The following TBC1D21 variants were observed in gnomAD, a reference collection of about 807,000 sequenced individuals.
TBC1D21 encodes the protein TBC1 domain family member 21, also known as male germ cell Rab GTPase-activating protein.
TBC1D21 carries 38 observed loss-of-function variants against 46.0 expected under a neutral mutation model. The ratio of observed to expected loss-of-function variants is 0.83; its 90% CI spans 0.64 to 1.08. TBC1D21 has a LOEUF of 1.08. Ranked by LOEUF, TBC1D21 falls within the 50% of genes least tolerant of loss-of-function variation. The pLI is 0.00. For missense variants in TBC1D21, 415 were observed against 417.9 expected (o/e 0.99, Z 0.06); for synonymous variants, 151 against 157.2 (o/e 0.96, Z 0.29).
chr15:73,904,089 T>G, the TBC1D21 span, among the ~76,000 whole-genome samples: 1 of 152,198 alleles, frequency 6.6e-6, no homozygotes, highest in East Asian at 1.9e-4. Flanking sequence ...ACAAAATTTC[T>G]CATCTGCTTT....
At chr15:73,891,859 G>T (rs1487044791), downstream of TBC1D21, among the ~76,000 whole-genome samples, 4 of 152,224 alleles carry the variant, frequency 2.6e-5, no homozygotes, top group Non-Finnish European at 5.9e-5. Context: ...GGCTCGGCAT[G>T]GGCCTTCAGG....
At chr15:73,878,715 G>T (rs554496035) in intron 1 of TBC1D21, among the ~76,000 whole-genome samples, 2 of 152,264 alleles carry the variant, frequency 1.3e-5, no homozygotes, top group South Asian at 4.1e-4. Flanking sequence ...ATTCAATACA[G>T]TCTCCACCAA....
At position 73,884,168 on chromosome 15, in the gene TBC1D21, T is replaced by C; in HGVS notation, c.290T>C (p.Leu97Ser). The C allele has an allele frequency of 1.2e-5, 20 of 1,614,198 alleles. No individual in the cohort carries two copies. The highest frequency in any genetic ancestry group is 1.7e-5 in the Non-Finnish European group (20 of 1,180,026). Residue 97 changes from leucine (L) to serine (S), a missense_variant, in exon 4 of 11, where the codon TTA becomes TCA. Leu to Ser is a moderately radical substitution (Grantham distance 145). Transcript: ENST00000300504. Reference protein sequence around the residue: ...DSMRRKNYKALCQMYEKIQPL... With the variant: ...DSMRRKNYKASCQMYEKIQPL... Reference sequence around the variant, plus strand: ...TCTCACAGGAAGAACTACAAGGCCTTATGCCAAATGTATGAGAAGATTCAG... The same window carrying C: ...TCTCACAGGAAGAACTACAAGGCCTCATGCCAAATGTATGAGAAGATTCAG...
intron 10 of TBC1D21, 78 bp downstream of exon 10, chr15:73,888,591 C>CTCCTCCTCCTCCTCTTCT (rs1567070347): frequency 6.1e-5 from 54 of 885,538 alleles, no homozygotes; most frequent in Middle Eastern, 5.9e-4. Flanking sequence ...CTTCCTCCTC[C>CTCCTCCTCCTCCTCTTCT]TCCTCCTCCT....
At chr15:73,887,570 A>T (rs777512588) in intron 8 of TBC1D21, 50 bp from the exon 9 acceptor site, 1 of 1,533,716 alleles carries the variant, frequency 6.5e-7, no homozygotes, top group African/African-American at 1.4e-5. Context: ...TCCTCAGGGC[A>T]TCTGCAGTCT....
chr15:73,885,134 C>G, intron 6 of TBC1D21, 31 bp downstream of exon 6: 14 of 1,581,870 alleles, frequency 8.9e-6, no homozygotes, highest in Non-Finnish European at 9.5e-6. Flanking sequence ...CAGGGACGCC[C>G]CTCCCCAACC....
Position 73,881,632 on chromosome 15 carries a change from C to A in TBC1D21, c.169-12C>A, listed in dbSNP as rs187035983. 1.4e-4 allele frequency: 226 copies of A among 1,610,284 alleles called. 3 individuals carry two copies. The East Asian group carries it at 4.9e-3, about 35-fold the overall frequency. ...TAGAGCCCATGACCTCCACCTCCCACCCCCACCCCAGGGTCTGCACCCCTT... is the reference window on the plus strand; with the variant it reads ...TAGAGCCCATGACCTCCACCTCCCAACCCCACCCCAGGGTCTGCACCCCTT... On this transcript the variant is annotated splice_polypyrimidine_tract_variant and intron_variant, in intron 2 of 10. Transcript: ENST00000300504.
chr15:73,886,240 A>G, intron 7 of TBC1D21, 66 bp downstream of exon 7: 1 of 1,401,104 alleles, frequency 7.1e-7, no homozygotes, highest in South Asian at 1.2e-5. Flanking sequence ...CTGGGACCCA[A>G]CTGTCAGTCC....
At chr15:73,902,256 C>G in the TBC1D21 span, among the ~76,000 whole-genome samples, 2 of 152,190 alleles carry the variant, frequency 1.3e-5, no homozygotes, top group African/African-American at 2.4e-5. Flanking sequence ...GCCTGCCTGC[C>G]GTGGCCCTCC....
chr15:73,886,569 A>C lies in TBC1D21; in HGVS notation c.734A>C (p.Gln245Pro). The change falls in exon 8 of 11, where the codon CAG becomes CCG. Residue 245 changes from glutamine (Q) to proline (P), a missense_variant. By Grantham distance (76) the Gln-to-Pro change is moderately conservative. Transcript: ENST00000300504. ...SLFPWFCFCF[Q>P]RAFKSFDDVW... ...TTCCCCTGGTTCTGCTTCTGCTTCC[A>C]GCGTGCCTTCAAGTCCTTCGATGAT... 1.9e-6 allele frequency: 3 copies of C among 1,613,722 alleles called. No homozygotes were observed. The highest frequency in any genetic ancestry group is 2.5e-6 in the Non-Finnish European group (3 of 1,180,026).
intron 1 of TBC1D21, among the ~76,000 whole-genome samples, chr15:73,880,693 C>T (rs2068138351): frequency 6.6e-6 from 1 of 152,148 alleles, no homozygotes; most frequent in Admixed American, 6.5e-5. Flanking sequence ...ATCGCTTGAA[C>T]CTGGGAGGCA....
At chr15:73,886,305 C>A in intron 7 of TBC1D21, 131 bp downstream of exon 7, 2 of 920,470 alleles carry the variant, frequency 2.2e-6, no homozygotes, top group Non-Finnish European at 1.7e-6. Context: ...TCTCCAGGCC[C>A]TGGGAAGAGG....
chr15:73,888,126 G>A (rs1567069802), intron 9 of TBC1D21, among the ~76,000 whole-genome samples: 1 of 152,182 alleles, frequency 6.6e-6, no homozygotes, highest in East Asian at 1.9e-4. Context: ...AGTCTTTGTT[G>A]GAAGAAACAA....
intron 1 of TBC1D21, 71 bp downstream of exon 1, chr15:73,873,840 T>C (rs2068011332): frequency 9.1e-6 from 14 of 1,537,252 alleles, no homozygotes; most frequent in Non-Finnish European, 1.2e-5. Flanking sequence ...CATTTTCCCC[T>C]GCTGGGTAGG....
chr15:73,895,830 G>A, the TBC1D21 span, among the ~76,000 whole-genome samples: 4 of 152,198 alleles, frequency 2.6e-5, no homozygotes, highest in African/African-American at 9.7e-5. Context: ...GCTTGCCGAT[G>A]CTCTGCTCTG....
At chr15:73,887,546 T>C (rs2068269749) in intron 8 of TBC1D21, 74 bp from the exon 9 acceptor site, 2 of 1,329,034 alleles carry the variant, frequency 1.5e-6, no homozygotes, top group Admixed American at 1.7e-5. Flanking sequence ...ACGTGGTTGG[T>C]GGGTACCTCA....
intron 3 of TBC1D21, among the ~76,000 whole-genome samples, chr15:73,882,273 C>G (rs940673261): frequency 6.6e-6 from 1 of 152,138 alleles, no homozygotes. Context: ...TTTCAAATAG[C>G]ACATCTTCTC....
chr15:73,896,542 T>C, the TBC1D21 span, among the ~76,000 whole-genome samples: 176 of 151,078 alleles, frequency 1.2e-3, 1 homozygote, highest in Non-Finnish European at 1.6e-3. Flanking sequence ...TGACAATGAG[T>C]TCTCAAAACT....
chr15:73,881,489 G>A lies in TBC1D21; in HGVS notation c.151G>A (p.Val51Ile). Residue 51 changes from valine to isoleucine, a missense_variant, in exon 2 of 11, where the codon GTT becomes ATT. Val to Ile is a conservative substitution (Grantham distance 29). Transcript: ENST00000300504. ...GGCCAAATCACGGGACTTCATTTGT[G>A]TTAACATCCTGGAAAGGGTGGGTCC... Reference protein sequence around the residue: ...HLAKSRDFICVNILERGLHPF... With the variant: ...HLAKSRDFICINILERGLHPF... 6.2e-7 allele frequency: 1 copy of A among 1,614,180 alleles called. No homozygotes were observed. Among genetic ancestry groups the A allele is most frequent in the South Asian group, 1.1e-5 (1 of 91,090 alleles).
Sources: allele counts gnomAD v4.1 joint callset (sites outside exome capture counted in the v4.1 genomes callset), GRCh38; gene constraint gnomAD v4.1.1; transcripts MANE v1.5; gene names NCBI Gene and HGNC (gene_info 2026-07-23, HGNC 2026-07-21).